Variants in SMG9 observed in about 807,000 individuals in gnomAD.
The protein encoded by SMG9 is SMG9 nonsense mediated mRNA decay factor, also known as nonsense-mediated mRNA decay factor SMG9.
Under a neutral mutation model 64.0 loss-of-function variants are expected in SMG9, and 55 were observed. The observed-to-expected ratio is 0.86, with a 90% CI of 0.69 to 1.08. The LOEUF (loss-of-function observed/expected upper bound fraction) is 1.08. Ranked by LOEUF, SMG9 falls within the 50% of genes least tolerant of loss-of-function variation. The pLI, the probability that SMG9 is intolerant of heterozygous loss-of-function variation, is 0.00. For missense variants in SMG9, 554 were observed against 681.3 expected, an observed-to-expected ratio of 0.81 and a Z score of 2.08; for synonymous variants, 244 against 254.8, an observed-to-expected ratio of 0.96 and a Z score of 0.41.
chr19:43,747,766 A>G lies in SMG9; in HGVS notation c.357T>C (p.Pro119=), dbSNP rs1053326778. ...GPVAVTGAST[P]EGTAPPPPAA... Reference sequence around the variant, plus strand: ...CAGGGGGTGGTGGGGCGGTGCCCTCAGGGGTAGAGGCACCTGTCACGGCCA... The same window carrying G: ...CAGGGGGTGGTGGGGCGGTGCCCTCGGGGGTAGAGGCACCTGTCACGGCCA... The change falls in exon 4 of 14, where the codon CCT becomes CCC. Residue 119 remains proline (P), a synonymous_variant. Coordinates refer to ENST00000270066, the MANE Select transcript of SMG9 (RefSeq NM_019108.4). The G allele has an allele frequency of 2.5e-6, 4 of 1,608,440 alleles. No homozygotes were observed. The highest frequency in any genetic ancestry group is 2.5e-6 in the Non-Finnish European group (3 of 1,177,756).
Position 43,754,647 on chromosome 19 carries a change from C to A in SMG9, c.-7+7G>T, listed in dbSNP as rs1321286862. On this transcript the variant is annotated splice_region_variant and intron_variant, in intron 1 of 13. Transcript: ENST00000270066. ...GCTAGCCTCGCGCGGGCTCGCGGCC[C>A]CCTTACCTAACGCGGCTGCTGATTG... The A allele has an allele frequency of 6.6e-6, 1 of 152,028 alleles. No individual in the cohort carries two copies. Among genetic ancestry groups the A allele is most frequent in the Non-Finnish European group, 1.5e-5 (1 of 67,978 alleles). 9.4% of individuals were successfully genotyped at this position (152,028 alleles called of 1,614,324 possible).
chr19:43,729,319 T>A lies in SMG9; in HGVS notation c.*2277A>T, dbSNP rs1183388468. 1 of 152,236 alleles carries A rather than the reference T, an allele frequency of 6.6e-6. No homozygotes were observed. The highest frequency in any genetic ancestry group is 1.5e-5 in the Non-Finnish European group (1 of 68,078). 9.4% of individuals were successfully genotyped at this position (152,236 alleles called of 1,614,324 possible). Reference sequence around the variant, plus strand: ...TCCTTCACCACCATCTACCGGATGCTTCACACGCCCCTGGATTTGGCAGCC... The same window carrying A: ...TCCTTCACCACCATCTACCGGATGCATCACACGCCCCTGGATTTGGCAGCC... On this transcript the variant is annotated 3_prime_UTR_variant, in exon 14 of 14. Transcript: ENST00000270066.
rs781280118 is a variant in SMG9, at chr19:43,733,041, G to A, written c.1340-39C>T. 6.4e-6 allele frequency: 10 copies of A among 1,565,488 alleles called. No individual in the cohort carries two copies. The South Asian group carries it at 9.5e-5, about 15-fold the overall frequency. ...GCAGGGAGGGTAAGAGGGATAGACT[G>A]CCAGGGTCTTTCTCCCAGTTAACAG... On this transcript the variant is annotated intron_variant, in intron 12 of 13. Coordinates refer to ENST00000270066, the MANE Select transcript of SMG9 (RefSeq NM_019108.4).
In SMG9 at chr19:43,731,075, C is replaced by T; in HGVS notation, c.*521G>A. On this transcript the variant is annotated 3_prime_UTR_variant, in exon 14 of 14. Coordinates refer to ENST00000270066, the MANE Select transcript of SMG9 (RefSeq NM_019108.4). ...GCAGAGACTGATCTCCATCTGCCCG[C>T]AAGGGCTGGGTGTCCAATTTGTCCT... is the stretch of plus-strand genomic sequence containing the variant. 9 of 979,326 alleles carry T rather than the reference C, an allele frequency of 9.2e-6. No individual in the cohort carries two copies. Among genetic ancestry groups the T allele is most frequent in the Non-Finnish European group, 1.1e-5 (9 of 824,284 alleles). 60.7% of individuals were successfully genotyped at this position (979,326 alleles called of 1,614,324 possible). A position where few individuals can be genotyped will look rare whatever the true frequency, so the allele number is the denominator to read the frequency against.
At chr19:43,742,624 G>A (rs1425239396) in intron 6 of SMG9, among the ~76,000 whole-genome samples, 1 of 152,162 alleles carries the variant, frequency 6.6e-6, no homozygotes, top group Non-Finnish European at 1.5e-5. Flanking sequence ...TGTATCCCCA[G>A]CACCTAGAAC....
At chr19:43,734,294 CT>C (rs1968579981) in intron 10 of SMG9, 94 bp downstream of exon 10, 2 of 1,011,090 alleles carry the variant, frequency 2.0e-6, no homozygotes, top group African/African-American at 3.2e-5. Flanking sequence ...AACCCCACTC[CT>C]TCCTCTCTCT....
At chr19:43,752,500 A>G (rs1969220302) in intron 1 of SMG9, among the ~76,000 whole-genome samples, 2 of 152,228 alleles carry the variant, frequency 1.3e-5, no homozygotes, top group African/African-American at 4.8e-5. Flanking sequence ...ACATCCATCA[A>G]TTTAGAAACT....
chr19:43,741,761 A>C (rs1397970224), intron 6 of SMG9, among the ~76,000 whole-genome samples: 1 of 152,156 alleles, frequency 6.6e-6, no homozygotes, highest in Non-Finnish European at 1.5e-5. Flanking sequence ...GCTTTTTCTC[A>C]AACGTTCCCC....
At chr19:43,737,514 C>T in intron 9 of SMG9, 83 bp downstream of exon 9, 1 of 1,234,824 alleles carries the variant, frequency 8.1e-7, no homozygotes, top group Non-Finnish European at 1.1e-6. Flanking sequence ...GGCTGCTGTC[C>T]CTTGAGTCAG....
rs185090453 is a variant in SMG9 at position 43,731,026 on chromosome 19, A to C, written c.*570T>G. 1.3e-6 allele frequency: 1 copy of C among 751,362 alleles called. No homozygotes were observed. 46.5% of individuals were successfully genotyped at this position (751,362 alleles called of 1,614,324 possible). On this transcript the variant is annotated 3_prime_UTR_variant, in exon 14 of 14. Transcript: ENST00000270066. ...GCTTGATGCCACCCCAGGAAACAGAATAACCCCTTCTAGGGACTTCTTAGC... is the reference window on the plus strand; with the variant it reads ...GCTTGATGCCACCCCAGGAAACAGACTAACCCCTTCTAGGGACTTCTTAGC...
At chr19:43,737,740 A>G in intron 8 of SMG9, 58 bp from the exon 9 acceptor site, 1 of 1,540,404 alleles carries the variant, frequency 6.5e-7, no homozygotes, top group Non-Finnish European at 8.9e-7. Context: ...ACTAATCAGG[A>G]GTCCCTGATC....
In SMG9 at chr19:43,740,349, G is replaced by A. The variant is rs548749321; in HGVS notation, c.702-131C>T. ...CTGCTCCCTAAGCTTTTCATCTGTGGCCCATGTCAGGGGGTGGGAGGCGGG... is the reference window on the plus strand; with the variant it reads ...CTGCTCCCTAAGCTTTTCATCTGTGACCCATGTCAGGGGGTGGGAGGCGGG... On this transcript the variant is annotated intron_variant, in intron 6 of 13. Coordinates refer to ENST00000270066, the MANE Select transcript of SMG9 (RefSeq NM_019108.4). 6.2e-4 allele frequency: 439 copies of A among 707,056 alleles called. 5 individuals carry two copies. In the South Asian group the frequency reaches 6.7e-3, roughly 11 times the overall value. The allele number at this position is 707,056 out of a possible 1,614,324, so 43.8% of individuals were successfully genotyped here.
At chr19:43,751,203 G>C (rs1217098549) in intron 1 of SMG9, among the ~76,000 whole-genome samples, 1 of 151,874 alleles carries the variant, frequency 6.6e-6, no homozygotes, top group East Asian at 1.9e-4. Context: ...GCGTAATCTC[G>C]GCTCACTGCA....
intron 6 of SMG9, among the ~76,000 whole-genome samples, chr19:43,742,572 T>C (rs1226958957): frequency 6.6e-6 from 1 of 152,236 alleles, no homozygotes; most frequent in Non-Finnish European, 1.5e-5. Context: ...TATTAAAATA[T>C]AAGTCCCACA....
chr19:43,735,905 C>T (rs1264126779), intron 9 of SMG9, among the ~76,000 whole-genome samples: 1 of 152,196 alleles, frequency 6.6e-6, no homozygotes, highest in Non-Finnish European at 1.5e-5. Flanking sequence ...AATGTAAACT[C>T]CCCAAGGAGT....
At chr19:43,731,714 T>TC (rs892683171) in intron 13 of SMG9, 40 bp from the exon 14 acceptor site, 3 of 1,612,742 alleles carry the variant, frequency 1.9e-6, no homozygotes, top group African/African-American at 1.3e-5. Context: ...TGGCCGGGGC[T>TC]CCCCCCAGCC....
intron 5 of SMG9, among the ~76,000 whole-genome samples, chr19:43,746,792 A>T (rs948646267): frequency 6.7e-5 from 10 of 149,624 alleles, no homozygotes; most frequent in Non-Finnish European, 1.5e-5. Context: ...AAAACAGTTG[A>T]CACTGAGACA....
At chr19:43,732,644 G>A (rs1370697819) in intron 13 of SMG9, 15 of 600,490 alleles carry the variant, frequency 2.5e-5, no homozygotes, top group Non-Finnish European at 3.7e-5. Flanking sequence ...ACATGATGCT[G>A]GCTGATTAGG....
chr19:43,748,843 A>C (rs1263035095), intron 2 of SMG9: 1 of 513,964 alleles, frequency 1.9e-6, no homozygotes, highest in Non-Finnish European at 3.9e-6. Context: ...CTTACGGTGA[A>C]GAACAAACAA....
Sources: allele counts gnomAD v4.1 joint callset (sites outside exome capture counted in the v4.1 genomes callset), GRCh38; gene constraint gnomAD v4.1.1; transcripts MANE v1.5; gene names NCBI Gene and HGNC (gene_info 2026-07-23, HGNC 2026-07-21).